Variants in PCDH15 observed in about 807,000 individuals in gnomAD.
PCDH15 encodes the protein protocadherin-15.
PCDH15 carries 129 observed loss-of-function variants against 178.5 expected under a neutral mutation model. The observed-to-expected ratio is 0.72, with a 90% CI of 0.63 to 0.84. The LOEUF (loss-of-function observed/expected upper bound fraction) is 0.84. Ranked by LOEUF, PCDH15 falls within the 40% of genes least tolerant of loss-of-function variation. The pLI, the probability that PCDH15 is intolerant of heterozygous loss-of-function variation, is 0.00. For synonymous variants in PCDH15, 800 were observed against 732.0 expected (o/e 1.09, Z -1.50); for missense variants, 2,230 against 2,099.9 (o/e 1.06, Z -1.21).
chr10:54,520,104 A>G (rs1290540096), intron 3 of PCDH15, among the ~76,000 whole-genome samples: 1 of 152,250 alleles, frequency 6.6e-6, no homozygotes, highest in African/African-American at 2.4e-5. Flanking sequence ...TAAAGCCATA[A>G]AAACCCTAGA....
intron 7 of PCDH15, among the ~76,000 whole-genome samples, chr10:54,325,488 C>T (rs577374325): frequency 3.9e-5 from 6 of 152,172 alleles, no homozygotes; most frequent in South Asian, 2.1e-4. Context: ...GTGGCTCATG[C>T]GTGTAATCCC....
At chr10:54,861,886 G>T (rs1418629783) in intron 3 of PCDH15, among the ~76,000 whole-genome samples, 1 of 152,146 alleles carries the variant, frequency 6.6e-6, no homozygotes, top group East Asian at 1.9e-4. Context: ...CTCAGGAAAT[G>T]ACATTTTAGT....
At chr10:55,185,613 T>C (rs1190959363) in intron 1 of PCDH15, among the ~76,000 whole-genome samples, 1 of 151,778 alleles carries the variant, frequency 6.6e-6, no homozygotes, top group Non-Finnish European at 1.5e-5. Context: ...TTTCAAATTA[T>C]ATAAATTTTC....
intron 3 of PCDH15, among the ~76,000 whole-genome samples, chr10:54,403,177 C>G (rs1312615207): frequency 6.6e-6 from 1 of 151,884 alleles, no homozygotes; most frequent in African/African-American, 2.4e-5. Context: ...TTTTCTTAAG[C>G]CAAAACAAAA....
intron 6 of PCDH15, among the ~76,000 whole-genome samples, chr10:54,338,580 G>C: frequency 6.6e-6 from 1 of 152,110 alleles, no homozygotes; most frequent in Admixed American, 6.5e-5. Flanking sequence ...GCTACGGGGA[G>C]TCAAACATAT....
chr10:54,481,901 CTG>C (rs1208457400), intron 3 of PCDH15, among the ~76,000 whole-genome samples: 1 of 151,708 alleles, frequency 6.6e-6, no homozygotes, highest in African/African-American at 2.4e-5. Context: ...GCAAGTCAGT[CTG>C]TATTGCATAT....
intron 2 of PCDH15, among the ~76,000 whole-genome samples, chr10:54,928,829 C>T (rs1045485563): frequency 2.6e-5 from 4 of 152,098 alleles, no homozygotes; most frequent in African/African-American, 9.7e-5. Context: ...GCACCTGTAT[C>T]ATTGTATTGT....
intron 3 of PCDH15, among the ~76,000 whole-genome samples, chr10:54,447,735 A>G (rs2076231286): frequency 6.6e-6 from 1 of 151,674 alleles, no homozygotes; most frequent in African/African-American, 2.4e-5. Flanking sequence ...AGCATAAAAG[A>G]CAAAGATAAT....
intron 2 of PCDH15, among the ~76,000 whole-genome samples, chr10:55,549,365 G>A (rs1841958934): frequency 6.6e-6 from 1 of 152,080 alleles, no homozygotes; most frequent in African/African-American, 2.4e-5. Flanking sequence ...AAAATAATAT[G>A]AGTATGCTTA....
intron 9 of PCDH15, among the ~76,000 whole-genome samples, chr10:54,216,271 C>T (rs2134134582): frequency 6.6e-6 from 1 of 151,792 alleles, no homozygotes; most frequent in South Asian, 2.1e-4. Flanking sequence ...GCCTGGCCAA[C>T]ATGGTGAAAA....
intron 18 of PCDH15, among the ~76,000 whole-genome samples, chr10:54,053,117 G>T (rs2093813883): frequency 6.6e-6 from 1 of 151,924 alleles, no homozygotes; most frequent in African/African-American, 2.4e-5. Context: ...ACTAGTACAT[G>T]TAAGTATACT....
chr10:53,909,062 A>T (rs751570958), intron 25 of PCDH15, among the ~76,000 whole-genome samples: 2 of 152,170 alleles, frequency 1.3e-5, no homozygotes, highest in Non-Finnish European at 2.9e-5. Context: ...TCTCATCTTG[A>T]ACTATAATCC....
rs1479061817 is a variant in PCDH15, at chr10:55,327,989, A to G, written c.-155-161338T>C. 2.6e-5 allele frequency among the ~76,000 whole-genome samples: 4 copies of G among 151,956 alleles called. No homozygotes were observed. The East Asian group carries it at 7.7e-4, about 29-fold the overall frequency. ...CTGTTTTATTATTTTTGTTTATGCT[A>G]TTGTTGTTTGGAAAGATTTAATACA... On this transcript the variant is annotated intron_variant, in intron 2 of 5. Transcript: ENST00000613346.
At chr10:53,999,218 C>A (rs1264801985) in intron 20 of PCDH15, among the ~76,000 whole-genome samples, 1 of 152,112 alleles carries the variant, frequency 6.6e-6, no homozygotes, top group Non-Finnish European at 1.5e-5. Flanking sequence ...CCTTGTTGAG[C>A]TATATGGCTG....
chr10:55,487,602 C>A (rs1840322805), intron 2 of PCDH15, among the ~76,000 whole-genome samples: 1 of 151,602 alleles, frequency 6.6e-6, no homozygotes, highest in Non-Finnish European at 1.5e-5. Context: ...CTGACAATAG[C>A]CTGCTTAAAT....
rs80239511 is a variant in PCDH15, at chr10:54,201,873, C to T, written c.1099-5984G>A. 6.2e-3 allele frequency among the ~76,000 whole-genome samples: 942 copies of T among 152,164 alleles called. 9 individuals carry two copies. Among genetic ancestry groups the T allele is most frequent in the African/African-American group, 0.019 (775 of 41,496 alleles). On this transcript the variant is annotated intron_variant, in intron 10 of 37. Coordinates refer to ENST00000644397, the MANE Select transcript of PCDH15 (RefSeq NM_001384140.1). ...AGGTTTGTGATATCTGCAAGTTTAC[C>T]TATGGGTAATTAATACTGATGCACA...
rs80250003 is a variant in PCDH15 at position 54,559,850 on chromosome 10, T to TAAAAAAAAAAAAA, written c.92-31986_92-31974dup. On this transcript the variant is annotated intron_variant, in intron 2 of 37. Coordinates refer to ENST00000644397, the MANE Select transcript of PCDH15 (RefSeq NM_001384140.1). Reference sequence around the variant, plus strand: ...TTTGACATCTTGGTTTGTCTTATAGTAAAAAAAAAAAAAAAAAAAAAAAAG... The same window carrying TAAAAAAAAAAAAA: ...TTTGACATCTTGGTTTGTCTTATAGTAAAAAAAAAAAAAAAAAAAAAAAAAAAAAAAAAAAAAG... Among the ~76,000 whole-genome samples the TAAAAAAAAAAAAA allele has an allele frequency of 4.1e-4, 30 of 73,052 alleles. 1 individual carries two copies. Among genetic ancestry groups the TAAAAAAAAAAAAA allele is most frequent in the East Asian group, 3.8e-3 (8 of 2,090 alleles). 47.9% of individuals were successfully genotyped at this position (73,052 alleles called of 152,430 possible).
chr10:55,085,513 A>C (rs1842147145), intron 2 of PCDH15, among the ~76,000 whole-genome samples: 1 of 151,986 alleles, frequency 6.6e-6, no homozygotes, highest in African/African-American at 2.4e-5. Flanking sequence ...AACACAAAGA[A>C]AGGAGAAATG....
intron 1 of PCDH15, among the ~76,000 whole-genome samples, chr10:55,171,620 T>A (rs1483638628): frequency 6.6e-6 from 1 of 152,154 alleles, no homozygotes; most frequent in Non-Finnish European, 1.5e-5. Context: ...ATTTGGCATT[T>A]GACCAAGTTC....
Sources: allele counts gnomAD v4.1 joint callset (sites outside exome capture counted in the v4.1 genomes callset), GRCh38; gene constraint gnomAD v4.1.1; transcripts MANE v1.5; gene names NCBI Gene and HGNC (gene_info 2026-07-23, HGNC 2026-07-21).